Variants in DCAF5 observed in about 807,000 individuals in gnomAD.
The protein encoded by DCAF5 is DDB1 and CUL4 associated factor 5.
A neutral mutation model predicts 80.7 loss-of-function variants in DCAF5; 9 were observed. The ratio of observed to expected loss-of-function variants is 0.11; its 90% CI spans 0.07 to 0.19. The LOEUF (loss-of-function observed/expected upper bound fraction) is 0.19, where lower values mean the gene tolerates loss of function less well. Ranked by LOEUF, DCAF5 falls within the 10% of genes least tolerant of loss-of-function variation. The probability of loss-of-function intolerance (pLI) is 1.00; values close to 1 mark genes in which losing one functional copy is unlikely to be tolerated. For missense variants in DCAF5, 842 were observed against 1,205.7 expected (o/e 0.70, Z 4.47); for synonymous variants, 433 against 461.9 (o/e 0.94, Z 0.80).
At chr14:69,090,544 C>T (rs1485110398) in intron 6 of DCAF5, 1 of 152,654 alleles carries the variant, frequency 6.6e-6, no homozygotes, top group African/African-American at 2.4e-5. Flanking sequence ...TATCTACACG[C>T]AAGACAATTC....
chr14:69,128,191 TTC>T (rs1491380354), intron 1 of DCAF5, among the ~76,000 whole-genome samples: 2 of 146,792 alleles, frequency 1.4e-5, no homozygotes, highest in African/African-American at 2.6e-5. Flanking sequence ...TTTTTTCTTC[TTC>T]TTTTTTTTTT....
intron 1 of DCAF5, among the ~76,000 whole-genome samples, chr14:69,136,773 T>C (rs1294050421): frequency 6.6e-6 from 1 of 152,148 alleles, no homozygotes; most frequent in African/African-American, 2.4e-5. Context: ...AAATATCCTA[T>C]AGTGCACAGG....
At chr14:69,137,305 G>T (rs2041225719) in intron 1 of DCAF5, among the ~76,000 whole-genome samples, 1 of 152,114 alleles carries the variant, frequency 6.6e-6, no homozygotes. Flanking sequence ...ATGATGCATT[G>T]CCAGGTACTT....
chr14:69,144,365 C>A (rs1398575399), intron 1 of DCAF5, among the ~76,000 whole-genome samples: 1 of 151,848 alleles, frequency 6.6e-6, no homozygotes, highest in East Asian at 1.9e-4. Flanking sequence ...AAGGTCGGGA[C>A]ATCGAGACCA....
intron 8 of DCAF5, among the ~76,000 whole-genome samples, chr14:69,056,826 C>T (rs896800083): frequency 3.3e-5 from 5 of 151,948 alleles, no homozygotes; most frequent in Non-Finnish European, 5.9e-5. Flanking sequence ...CAGAGGACCC[C>T]CCATTTCCAA....
chr14:69,102,812 G>C (rs1008937130), intron 5 of DCAF5, among the ~76,000 whole-genome samples: 3 of 151,990 alleles, frequency 2.0e-5, no homozygotes, highest in African/African-American at 7.3e-5. Context: ...TTAATAAGTA[G>C]GAATATACAC....
In DCAF5 at chr14:69,119,183, A is replaced by C; in HGVS notation, c.395+11T>G. ...AAGTCAATCACCTTCACACACCACC[A>C]ATCTATTTACCTTTCAACATCATGG... On this transcript the variant is annotated intron_variant, in intron 3 of 8. Coordinates refer to ENST00000341516, the MANE Select transcript of DCAF5 (RefSeq NM_003861.3). 1.2e-6 allele frequency: 2 copies of C among 1,612,408 alleles called. No individual in the cohort carries two copies. The highest frequency in any genetic ancestry group is 1.7e-6 in the Non-Finnish European group (2 of 1,179,498).
In DCAF5 at chr14:69,054,193, G is replaced by A; in HGVS notation, c.2493C>T (p.Asn831=). The A allele has an allele frequency of 6.2e-7, 1 of 1,614,238 alleles. No homozygotes were observed. Among genetic ancestry groups the A allele is most frequent in the Non-Finnish European group, 8.5e-7 (1 of 1,180,032 alleles). Residue 831 remains asparagine, a synonymous_variant, in exon 9 of 9, where the codon AAC becomes AAT. Transcript: ENST00000341516. ...GAGGGTGTAAGCGTCCATTGTTGTG[G>A]TTGGCACAGATGGTTTCGAGGCTCC... ...EERSLETICA[N]HNNGRLHPRP... is the part of the protein sequence containing the mutation.
chr14:69,107,458 G>A (rs2040201890), intron 5 of DCAF5, among the ~76,000 whole-genome samples: 1 of 152,170 alleles, frequency 6.6e-6, no homozygotes, highest in Non-Finnish European at 1.5e-5. Flanking sequence ...TCAATCTCTA[G>A]GTATGGGGTC....
In DCAF5 at chr14:69,084,465, T is replaced by C. The variant is rs115748098; in HGVS notation, c.879+7209A>G. Reference sequence around the variant, plus strand: ...CCAACACGTAGACAGACGATGCTCTTTTCTGCCACCCAAACTTGAAAAGTT... The same window carrying C: ...CCAACACGTAGACAGACGATGCTCTCTTCTGCCACCCAAACTTGAAAAGTT... On this transcript the variant is annotated intron_variant, in intron 6 of 8. Transcript: ENST00000341516. The C allele has an allele frequency of 8.0e-4, 651 of 810,282 alleles. 3 individuals carry two copies. The African/African-American group carries it at 9.7e-3, about 12-fold the overall frequency. 50.2% of individuals were successfully genotyped at this position (810,282 alleles called of 1,614,324 possible). A position where few individuals can be genotyped will look rare whatever the true frequency, so the allele number is the denominator to read the frequency against.
chr14:69,135,996 A>T (rs1334539829), intron 1 of DCAF5, among the ~76,000 whole-genome samples: 1 of 152,218 alleles, frequency 6.6e-6, no homozygotes, highest in Non-Finnish European at 1.5e-5. Context: ...TTTATATTCT[A>T]CATTGCAACT....
chr14:69,147,726 A>T lies in DCAF5; in HGVS notation c.214+5039T>A, dbSNP rs554483823. Among the ~76,000 whole-genome samples, 4 of 152,122 alleles carry T rather than the reference A, an allele frequency of 2.6e-5. No homozygotes were observed. The East Asian group carries it at 7.7e-4, about 29-fold the overall frequency. ...AACTAAATGACTCTCCCCATTCACAACTCCTACATAATTAATACTTTGAAA... is the reference window on the plus strand; with the variant it reads ...AACTAAATGACTCTCCCCATTCACATCTCCTACATAATTAATACTTTGAAA... On this transcript the variant is annotated intron_variant, in intron 1 of 8. Transcript: ENST00000341516.
intron 5 of DCAF5, among the ~76,000 whole-genome samples, chr14:69,105,712 G>A (rs2040114186): frequency 6.6e-6 from 1 of 151,338 alleles, no homozygotes; most frequent in African/African-American, 2.4e-5. Flanking sequence ...TTCTGCCTTT[G>A]GACTCTGGGA....
chr14:69,107,339 T>A (rs1187041507), intron 5 of DCAF5, among the ~76,000 whole-genome samples: 1 of 152,194 alleles, frequency 6.6e-6, no homozygotes, highest in Non-Finnish European at 1.5e-5. Context: ...AACATGGACC[T>A]CTCTGATTAA....
intron 1 of DCAF5, among the ~76,000 whole-genome samples, chr14:69,129,838 G>A (rs1323107883): frequency 6.6e-6 from 1 of 152,136 alleles, no homozygotes; most frequent in Non-Finnish European, 1.5e-5. Context: ...CAGAGGCCAG[G>A]CCTTCTAAGC....
chr14:69,068,656 C>T (rs908053550), intron 7 of DCAF5, among the ~76,000 whole-genome samples: 7 of 149,098 alleles, frequency 4.7e-5, no homozygotes, highest in Non-Finnish European at 8.8e-5. Flanking sequence ...CGAGATCATG[C>T]CATTGCACTC....
chr14:69,136,105 G>C (rs1161485650), intron 1 of DCAF5, among the ~76,000 whole-genome samples: 1 of 141,656 alleles, frequency 7.1e-6, no homozygotes, highest in African/African-American at 2.6e-5. Context: ...AAAAACTGAT[G>C]TGTAAAACTT....
Position 69,153,032 on chromosome 14 carries a change from C to T in DCAF5, c.-54G>A. The T allele has an allele frequency of 7.3e-7, 1 of 1,378,010 alleles. No homozygotes were observed. The highest frequency in any genetic ancestry group is 9.5e-7 in the Non-Finnish European group (1 of 1,055,024). 85.4% of individuals were successfully genotyped at this position (1,378,010 alleles called of 1,614,324 possible). A position where few individuals can be genotyped will look rare whatever the true frequency, so the allele number is the denominator to read the frequency against. ...CCGCCGCCCCTCCCTCGGCCTCACG[C>T]GCGGCCGCTGCTCCCCCCACCCGGC... On this transcript the variant is annotated 5_prime_UTR_variant, in exon 1 of 9. Coordinates refer to ENST00000341516, the MANE Select transcript of DCAF5 (RefSeq NM_003861.3).
intron 5 of DCAF5, among the ~76,000 whole-genome samples, chr14:69,095,863 G>C (rs554951620): frequency 1.3e-5 from 2 of 152,092 alleles, no homozygotes; most frequent in African/African-American, 4.8e-5. Flanking sequence ...TTGTTTCCAC[G>C]TGAAAGCTCT....
Sources: gnomAD v4.1 joint callset for allele counts (sites outside exome capture counted in the v4.1 genomes callset) on GRCh38, gnomAD v4.1.1 for gene constraint, MANE v1.5 for transcripts, NCBI Gene and HGNC (gene_info 2026-07-23, HGNC 2026-07-21) for gene names.